Variants in ACSM2B observed in about 807,000 individuals in gnomAD.
ACSM2B encodes acyl-CoA synthetase medium chain family member 2B.
A neutral mutation model predicts 78.6 loss-of-function variants in ACSM2B; 58 were observed. That is an observed-to-expected ratio of 0.74 (90% CI 0.60 to 0.92). ACSM2B has a LOEUF of 0.92. Among genes scored for constraint, ACSM2B ranks in the 40% least tolerant of loss-of-function variants. ACSM2B has a pLI of 0.00. For synonymous variants in ACSM2B, 257 were observed against 256.8 expected, an observed-to-expected ratio of 1.00 and a Z score of -0.01; for missense variants, 688 against 711.2, an observed-to-expected ratio of 0.97 and a Z score of 0.37.
intron 9 of ACSM2B, 105 bp from the exon 10 acceptor site, chr16:20,545,363 G>A (rs1408691007): frequency 1.5e-6 from 2 of 1,345,948 alleles, no homozygotes; most frequent in Non-Finnish European, 2.0e-6. Flanking sequence ...TCTTGCTCTA[G>A]TGGAGACTGA....
intron 13 of ACSM2B, among the ~76,000 whole-genome samples, chr16:20,540,283 C>T (rs1414044685): frequency 6.9e-6 from 1 of 144,302 alleles, no homozygotes; most frequent in Non-Finnish European, 1.5e-5. Context: ...CACTCTGTCA[C>T]TTAGGCTGGA....
At chr16:20,569,668 T>C (rs2016041375) in intron 1 of ACSM2B, among the ~76,000 whole-genome samples, 1 of 152,020 alleles carries the variant, frequency 6.6e-6, no homozygotes, top group Non-Finnish European at 1.5e-5. Context: ...TTTGGCAATA[T>C]AGTCATTTTT....
chr16:20,558,055 A>G (rs1198452404), intron 3 of ACSM2B, among the ~76,000 whole-genome samples: 1 of 152,206 alleles, frequency 6.6e-6, no homozygotes, highest in Non-Finnish European at 1.5e-5. Flanking sequence ...AATTTGTCAC[A>G]AGGCTAGAAT....
intron 4 of ACSM2B, among the ~76,000 whole-genome samples, chr16:20,554,972 A>C (rs1267056985): frequency 6.6e-6 from 1 of 152,086 alleles, no homozygotes; most frequent in Admixed American, 6.5e-5. Flanking sequence ...CCCCAGGACA[A>C]CCCTGAACCT....
chr16:20,556,634 A>G (rs1253626718), intron 3 of ACSM2B, among the ~76,000 whole-genome samples: 1 of 152,138 alleles, frequency 6.6e-6, no homozygotes, highest in African/African-American at 2.4e-5. Context: ...AGAACAGAAT[A>G]ACTACACAGG....
intron 9 of ACSM2B, 108 bp from the exon 10 acceptor site, chr16:20,545,366 G>C: frequency 7.5e-7 from 1 of 1,333,252 alleles, no homozygotes; most frequent in African/African-American, 1.5e-5. Context: ...TGCTCTAGTG[G>C]AGACTGAAAA....
chr16:20,553,148 T>C (rs2015370151), intron 5 of ACSM2B, among the ~76,000 whole-genome samples: 1 of 152,220 alleles, frequency 6.6e-6, no homozygotes, highest in Non-Finnish European at 1.5e-5. Flanking sequence ...ATTTACATTT[T>C]CCATTTTTTG....
At chr16:20,566,556 A>G (rs1462836484) in intron 1 of ACSM2B, among the ~76,000 whole-genome samples, 1 of 101,906 alleles carries the variant, frequency 9.8e-6, no homozygotes, top group Non-Finnish European at 1.8e-5. Flanking sequence ...TATATACTAT[A>G]TATAGTATAT....
At chr16:20,567,547 A>G (rs2015955529) in intron 1 of ACSM2B, among the ~76,000 whole-genome samples, 1 of 132,030 alleles carries the variant, frequency 7.6e-6, no homozygotes, top group Non-Finnish European at 1.6e-5. Flanking sequence ...TATAATATAT[A>G]AATATAAATT....
At position 20,553,925 on chromosome 16, in the gene ACSM2B, C is replaced by T. The variant is rs754463702; in HGVS notation, c.597-5G>A. 2.5e-6 allele frequency: 4 copies of T among 1,613,392 alleles called. No individual in the cohort carries two copies. Among genetic ancestry groups the T allele is most frequent in the South Asian group, 1.1e-5 (1 of 91,028 alleles). ...TGATGAGTGGTGGATGCCTCACTGACAAAGACACAGATTGTCATTTTCTCA... is the reference window on the plus strand; with the variant it reads ...TGATGAGTGGTGGATGCCTCACTGATAAAGACACAGATTGTCATTTTCTCA... On this transcript the variant is annotated splice_region_variant and splice_polypyrimidine_tract_variant and intron_variant, in intron 4 of 13. Transcript: ENST00000329697.
intron 1 of ACSM2B, among the ~76,000 whole-genome samples, chr16:20,571,201 A>G: frequency 6.6e-6 from 1 of 151,958 alleles, no homozygotes; most frequent in African/African-American, 2.4e-5. Context: ...TGATGAAGGC[A>G]TTTAAGGCTA....
In ACSM2B at chr16:20,555,548, A is replaced by C. The variant is rs1017016634; in HGVS notation, c.389-72T>G. 1.7e-5 allele frequency: 27 copies of C among 1,597,468 alleles called. No individual in the cohort carries two copies. In the Admixed American group the frequency reaches 3.1e-4, roughly 18 times the overall value. ...GTCCCTAGAGAAGCCTGAGATAAACATCAAGCAGGGAGCAAGTGGGGAAGG... is the reference window on the plus strand; with the variant it reads ...GTCCCTAGAGAAGCCTGAGATAAACCTCAAGCAGGGAGCAAGTGGGGAAGG... On this transcript the variant is annotated intron_variant, in intron 3 of 13. Transcript: ENST00000329697.
intron 1 of ACSM2B, among the ~76,000 whole-genome samples, chr16:20,566,952 A>T (rs1474020757): frequency 8.3e-6 from 1 of 120,566 alleles, no homozygotes; most frequent in South Asian, 2.4e-4. Context: ...ATTATATATC[A>T]TATATATTAT....
chr16:20,563,857 C>T (rs2015739963), intron 2 of ACSM2B, among the ~76,000 whole-genome samples: 1 of 151,992 alleles, frequency 6.6e-6, no homozygotes. Context: ...ATCCTTCCAT[C>T]CTACAGAAAG....
At chr16:20,545,753 A>G (rs1255092750) in intron 9 of ACSM2B, among the ~76,000 whole-genome samples, 2 of 152,222 alleles carry the variant, frequency 1.3e-5, no homozygotes, top group Non-Finnish European at 2.9e-5. Flanking sequence ...ATCATAGTGA[A>G]TGGCATGGCA....
At chr16:20,561,421 C>A (rs933428041) in intron 2 of ACSM2B, among the ~76,000 whole-genome samples, 3 of 151,146 alleles carry the variant, frequency 2.0e-5, no homozygotes, top group African/African-American at 7.3e-5. Flanking sequence ...AAAGCAGGAA[C>A]AAGAGAGAGA....
chr16:20,546,658 C>T, intron 8 of ACSM2B, 184 bp from the exon 9 acceptor site: 5 of 1,157,472 alleles, frequency 4.3e-6, no homozygotes, highest in Non-Finnish European at 5.7e-6. Flanking sequence ...AGGGGCCTCA[C>T]TAAATTGTTT....
chr16:20,545,316 C>T lies in ACSM2B; in HGVS notation c.1180-58G>A. Reference sequence around the variant, plus strand: ...ACACAGCAGGAGATGGCTTCAATGGCAGCAGGAGATTGCTGAGTTGGTCAA... The same window carrying T: ...ACACAGCAGGAGATGGCTTCAATGGTAGCAGGAGATTGCTGAGTTGGTCAA... On this transcript the variant is annotated intron_variant, in intron 9 of 13. Transcript: ENST00000329697. The T allele has an allele frequency of 1.9e-6, 3 of 1,573,800 alleles. No homozygotes were observed. In the South Asian group the frequency reaches 3.5e-5, roughly 18 times the overall value.
rs1567205458 is a variant in ACSM2B, at chr16:20,542,998, G to C, written c.1425C>G (p.Pro475=). Residue 475 remains proline (P), a synonymous_variant, in exon 12 of 14, where the codon CCC becomes CCG. Transcript: ENST00000329697. ...TCATCAGTGCATTCTCTACCTCCGA[G>C]GGTCCAATCCGGTACCTGCAGAAGA... ...IINSSGYRIG[P]SEVENALMKH... is the part of the protein sequence containing the mutation. 1.9e-6 allele frequency: 3 copies of C among 1,613,582 alleles called. No homozygotes were observed. The highest frequency in any genetic ancestry group is 1.7e-6 in the Non-Finnish European group (2 of 1,179,860).
Sources: gnomAD v4.1 joint callset for allele counts (sites outside exome capture counted in the v4.1 genomes callset) on GRCh38, gnomAD v4.1.1 for gene constraint, MANE v1.5 for transcripts, NCBI Gene and HGNC (gene_info 2026-07-23, HGNC 2026-07-21) for gene names.